The following ZNF292 variants were observed in gnomAD, a reference collection of about 807,000 sequenced individuals.
ZNF292 encodes the protein 16 zinc-finger domain protein.
Under a neutral mutation model 217.9 loss-of-function variants are expected in ZNF292, and 26 were observed. The ratio of observed to expected loss-of-function variants is 0.12; its 90% CI spans 0.09 to 0.17. The LOEUF (loss-of-function observed/expected upper bound fraction) is 0.17. ZNF292 is among the 10% of genes least tolerant of loss of function. The pLI is 1.00. For synonymous variants in ZNF292, 1,257 were observed against 1,124.1 expected, an observed-to-expected ratio of 1.12 and a Z score of -2.37; for missense variants, 2,904 against 3,175.2, an observed-to-expected ratio of 0.91 and a Z score of 2.05.
intron 1 of ZNF292, among the ~76,000 whole-genome samples, chr6:87,164,325 C>G (rs1770845107): frequency 6.6e-6 from 1 of 152,256 alleles, no homozygotes; most frequent in Non-Finnish European, 1.5e-5. Context: ...TACATAGCAT[C>G]AAGAGAGTAA....
At chr6:87,191,004 T>TG (rs777874731) in intron 1 of ZNF292, among the ~76,000 whole-genome samples, 1 of 152,242 alleles carries the variant, frequency 6.6e-6, no homozygotes, top group Non-Finnish European at 1.5e-5. Flanking sequence ...CACACAAATA[T>TG]AATTCATTTG....
rs1039948778 is a variant in ZNF292 at position 87,229,495 on chromosome 6, C to T, written c.539-3830C>T. ...AGGCTGGAGTGCAATGGCGCAATCT[C>T]GGCTAACTGCAACCTCCGCCTCCCG... On this transcript the variant is annotated intron_variant, in intron 4 of 7. Transcript: ENST00000369577. Among the ~76,000 whole-genome samples the T allele has an allele frequency of 7.2e-5, 11 of 152,000 alleles. 1 individual carries two copies. The highest frequency in any genetic ancestry group is 1.9e-4 in the African/African-American group (8 of 41,386).
rs747214770 is a variant in ZNF292, at chr6:87,257,074, A to T, written c.3445A>T (p.Asn1149Tyr). Reference sequence around the variant, plus strand: ...GAAAGCTAACAACTTAAATACACCAAATAATGGAAAGTTTGTTTATTTTTT... The same window carrying T: ...GAAAGCTAACAACTTAAATACACCATATAATGGAAAGTTTGTTTATTTTTT... ...GQKANNLNTP[N>Y]NGKFVYFLPS... is the part of the protein sequence containing the mutation. Residue 1149 changes from asparagine (N) to tyrosine (Y), a missense_variant, in exon 8 of 8, where the codon AAT (asparagine) becomes TAT (tyrosine). Asn to Tyr is a moderately radical substitution (Grantham distance 143). Around this residue, in one of 15 missense-constraint regions of ZNF292, gnomAD observed 687 missense variants for 623.0 expected, o/e 1.10. Transcript: ENST00000369577. The T allele has an allele frequency of 6.2e-7, 1 of 1,613,892 alleles. No homozygotes were observed. Among genetic ancestry groups the T allele is most frequent in the Non-Finnish European group, 8.5e-7 (1 of 1,179,846 alleles).
rs138919088 is a variant in ZNF292 at position 87,257,632 on chromosome 6, G to A, written c.4003G>A (p.Ala1335Thr). The change falls in exon 8 of 8, where the codon GCC (alanine) becomes ACC (threonine). Residue 1335 changes from alanine (A) to threonine (T), a missense_variant. Physicochemically the swap from Ala to Thr is moderately conservative, Grantham distance 58. This residue lies in a region of ZNF292 where 687 missense variants were observed against 623.0 expected (regional missense o/e 1.10). Coordinates refer to ENST00000369577, the MANE Select transcript of ZNF292 (RefSeq NM_015021.3). ...TGCAAATAACTTCAGTAGCACCAAT[G>A]CCCAACAGTCTGCACCTGAAAAAGT... ...NVANNFSSTN[A>T]QQSAPEKVKK... 62 of 1,608,656 alleles carry A rather than the reference G, an allele frequency of 3.9e-5. No individual in the cohort carries two copies. In the South Asian group the frequency reaches 4.1e-4, roughly 11 times the overall value.
rs1775299810 is a variant in ZNF292, at chr6:87,257,591, C to T, written c.3962C>T (p.Pro1321Leu). The part of the protein sequence containing the change: ...KGGNGENAVF[P>L]SQVNVANNFS... ...GGTAATGGTGAAAATGCAGTTTTTC[C>T]TTCACAAGTGAATGTTGCAAATAAC... The change falls in exon 8 of 8, where the codon CCT becomes CTT. Residue 1321 changes from proline to leucine, a missense_variant. Pro to Leu is a moderately conservative substitution (Grantham distance 98). Around this residue, in one of 15 missense-constraint regions of ZNF292, gnomAD observed 687 missense variants for 623.0 expected, o/e 1.10. Coordinates refer to ENST00000369577, the MANE Select transcript of ZNF292 (RefSeq NM_015021.3). The T allele has an allele frequency of 6.2e-7, 1 of 1,606,182 alleles. No homozygotes were observed. Among genetic ancestry groups the T allele is most frequent in the Middle Eastern group, 1.7e-4 (1 of 6,056 alleles).
Position 87,225,619 on chromosome 6 carries a change from C to T in ZNF292, c.538+6888C>T, listed in dbSNP as rs150626588. On this transcript the variant is annotated intron_variant, in intron 4 of 7. Coordinates refer to ENST00000369577, the MANE Select transcript of ZNF292 (RefSeq NM_015021.3). ...TCTCACTTCTTTTTCTGAACAATCA[C>T]AACCCATCTTTTTTAATATAATTAA... 9.9e-5 allele frequency among the ~76,000 whole-genome samples: 15 copies of T among 152,276 alleles called. No individual in the cohort carries two copies. In the East Asian group the frequency reaches 2.5e-3, roughly 25 times the overall value.
chr6:87,197,939 G>A (rs1414700860), intron 1 of ZNF292, among the ~76,000 whole-genome samples: 1 of 151,912 alleles, frequency 6.6e-6, no homozygotes, highest in Non-Finnish European at 1.5e-5. Flanking sequence ...TTAAGAACAG[G>A]TCTCTCTGAA....
intron 1 of ZNF292, among the ~76,000 whole-genome samples, chr6:87,214,802 T>C (rs1386438401): frequency 6.6e-6 from 1 of 152,182 alleles, no homozygotes; most frequent in Non-Finnish European, 1.5e-5. Context: ...GCTTACTTTT[T>C]CTATTGCTTT....
chr6:87,174,768 G>C (rs538568144), intron 1 of ZNF292, among the ~76,000 whole-genome samples: 1 of 152,086 alleles, frequency 6.6e-6, no homozygotes, highest in East Asian at 1.9e-4. Flanking sequence ...TATTTCTCTG[G>C]AATCATGACA....
At chr6:87,196,920 A>G (rs984911409) in intron 1 of ZNF292, among the ~76,000 whole-genome samples, 9 of 152,230 alleles carry the variant, frequency 5.9e-5, no homozygotes, top group South Asian at 2.1e-4. Context: ...AGGGAAAACA[A>G]TAGATCCAGA....
intron 5 of ZNF292, among the ~76,000 whole-genome samples, chr6:87,242,154 G>T (rs553846457): frequency 6.6e-6 from 1 of 151,922 alleles, no homozygotes; most frequent in African/African-American, 2.4e-5. Context: ...TATATCCTTC[G>T]GTCTTTTTTT....
intron 4 of ZNF292, among the ~76,000 whole-genome samples, chr6:87,224,201 G>T (rs1773228485): frequency 6.6e-6 from 1 of 152,106 alleles, no homozygotes; most frequent in Non-Finnish European, 1.5e-5. Context: ...CATTTCCAAA[G>T]TTACTTAGGT....
intron 5 of ZNF292, among the ~76,000 whole-genome samples, chr6:87,242,980 G>T (rs1338168796): frequency 2.0e-5 from 3 of 152,046 alleles, no homozygotes; most frequent in Non-Finnish European, 4.4e-5. Flanking sequence ...TACATAAAAT[G>T]CTTCATACTA....
intron 1 of ZNF292, chr6:87,170,043 G>A (rs1006371707): frequency 2.0e-5 from 3 of 152,146 alleles, no homozygotes; most frequent in African/African-American, 7.3e-5. Flanking sequence ...TTGCAAATAT[G>A]ATAGATTTCA....
At chr6:87,183,023 C>T (rs1204870854) in intron 1 of ZNF292, among the ~76,000 whole-genome samples, 1 of 152,102 alleles carries the variant, frequency 6.6e-6, no homozygotes, top group African/African-American at 2.4e-5. Context: ...TTTTTAAAAG[C>T]AGTGATGACT....
chr6:87,196,407 C>T (rs1771954395), intron 1 of ZNF292, among the ~76,000 whole-genome samples: 1 of 152,130 alleles, frequency 6.6e-6, no homozygotes, highest in Non-Finnish European at 1.5e-5. Context: ...TGACTGTTTA[C>T]TTTTGTAAAA....
chr6:87,261,126 T>G lies in ZNF292; in HGVS notation c.7497T>G (p.Ser2499Arg). ...ITKLINEDSTSVETQANTSSN... is the reference protein window; with the variant it reads ...ITKLINEDSTRVETQANTSSN... ...AATTAATAAATGAAGATAGCACAAG[T>G]GTAGAGACCCAAGCTAATACTTCTT... The change falls in exon 8 of 8, where the codon AGT becomes AGG. Residue 2499 changes from serine to arginine, a missense_variant. Coordinates refer to ENST00000369577, the MANE Select transcript of ZNF292 (RefSeq NM_015021.3). The G allele has an allele frequency of 6.2e-7, 1 of 1,612,838 alleles. No homozygotes were observed. Among genetic ancestry groups the G allele is most frequent in the Admixed American group, 1.7e-5 (1 of 59,856 alleles).
At chr6:87,211,419 A>G (rs1392436922) in intron 1 of ZNF292, among the ~76,000 whole-genome samples, 1 of 150,016 alleles carries the variant, frequency 6.7e-6, no homozygotes, top group Non-Finnish European at 1.5e-5. Context: ...TGGATTTACA[A>G]GTCAATTTTT....
At chr6:87,241,448 G>A (rs1004660232) in intron 5 of ZNF292, among the ~76,000 whole-genome samples, 2 of 139,006 alleles carry the variant, frequency 1.4e-5, no homozygotes, top group Non-Finnish European at 3.0e-5. Context: ...TTGAGACCGA[G>A]TGCTGCTGTG....
Sources: gnomAD v4.1 joint callset for allele counts (sites outside exome capture counted in the v4.1 genomes callset) on GRCh38, gnomAD v4.1.1 for gene constraint, gnomAD v4.1.1 regional missense constraint, MANE v1.5 for transcripts, NCBI Gene and HGNC (gene_info 2026-07-23, HGNC 2026-07-21) for gene names.